SRPX2: variants seen among roughly 807,000 people sequenced by gnomAD.
SRPX2 encodes the protein sushi repeat containing protein X-linked 2.
Under a neutral mutation model 45.3 loss-of-function variants are expected in SRPX2, and 26 were observed. The observed-to-expected ratio is 0.57, with a 90% CI of 0.42 to 0.80. SRPX2 has a LOEUF of 0.80. SRPX2 is among the 30% of genes least tolerant of loss of function. SRPX2 has a pLI of 0.00. For synonymous variants in SRPX2, 125 were observed against 143.7 expected (o/e 0.87, Z 0.93); for missense variants, 355 against 399.8 (o/e 0.89, Z 0.95).
At chrX:100,670,658 G>C in intron 10 of SRPX2, 149 bp from the exon 11 acceptor site, 1 of 608,830 alleles carries the variant, frequency 1.6e-6, no homozygotes, top group Admixed American at 2.6e-5. Flanking sequence ...AAAGCGACTT[G>C]AGACAGGAAG....
rs1053428544 is a variant in SRPX2, at chrX:100,665,189, C to T, written c.533-54C>T. 13 of 1,203,485 alleles carry T rather than the reference C, an allele frequency of 1.1e-5. No individual in the cohort carries two copies. In the Admixed American group the frequency reaches 2.9e-4, roughly 27 times the overall value. On this transcript the variant is annotated intron_variant, in intron 5 of 10. Transcript: ENST00000373004. ...GTGTGGCATTGCTTCAGTGGATTCC[C>T]TCCAGGGAAAGCAAGGGGCCCACGA... is the stretch of plus-strand genomic sequence containing the variant.
At position 100,669,292 on chromosome X, in the gene SRPX2, A is replaced by C. The variant is rs143092608; in HGVS notation, c.1140A>C (p.Glu380Asp). ...ATTTGCGGCATGTGACCATCATTGAACTGGTGGGACAGCCACCTCAGGAGG... is the reference window on the plus strand; with the variant it reads ...ATTTGCGGCATGTGACCATCATTGACCTGGTGGGACAGCCACCTCAGGAGG... ...GLDLRHVTII[E>D]LVGQPPQEVG... is the part of the protein sequence containing the mutation. Residue 380 changes from glutamate (E) to aspartate (D), a missense_variant, in exon 10 of 11, where the codon GAA (glutamate) becomes GAC (aspartate). By Grantham distance (45) the Glu-to-Asp change is conservative. Transcript: ENST00000373004. The C allele has an allele frequency of 8.3e-7, 1 of 1,207,853 alleles. No homozygotes were observed. The highest frequency in any genetic ancestry group is 1.1e-6 in the Non-Finnish European group (1 of 894,105).
rs888554706 is a variant in SRPX2 at position 100,658,445 on chromosome X, G to T, written c.164-3731G>T. Among the ~76,000 whole-genome samples, 3 of 111,826 alleles carry T rather than the reference G, an allele frequency of 2.7e-5. No homozygotes were observed. The Admixed American group carries it at 2.8e-4, about 11-fold the overall frequency. The stretch of plus-strand genomic sequence containing the variant: ...AATATGTGAATTTATTTCTGGGTTT[G>T]CTATTCTGTTCCATTGATCTATATA... On this transcript the variant is annotated intron_variant, in intron 3 of 10. Transcript: ENST00000373004.
At chrX:100,657,349 C>CTTTTTTTTTGTTTTTTTTTTTTTTTTT (rs2083173015) in intron 3 of SRPX2, among the ~76,000 whole-genome samples, 1 of 28,417 alleles carries the variant, frequency 3.5e-5, no homozygotes, top group East Asian at 1.5e-3. Context: ...TTATTTATGT[C>CTTTTTTTTTGTTTTTTTTTTTTTTTTT]TTTTTTTTTT....
rs1425173213 is a variant in SRPX2 at position 100,673,845 on chromosome X, G to GT, written c.*2859dup. 1 of 111,831 alleles carries GT rather than the reference G, an allele frequency of 8.9e-6. No individual in the cohort carries two copies. Among genetic ancestry groups the GT allele is most frequent in the East Asian group, 2.8e-4 (1 of 3,569 alleles). 9.2% of individuals were successfully genotyped at this position (111,831 alleles called of 1,213,427 possible). A position where few individuals can be genotyped will look rare whatever the true frequency, so the allele number is the denominator to read the frequency against. ...ACAGTAGGCTTGAGTTTCCTCATCT[G>GT]TAAAAAGGGAAGATTTCCTACTTCA... On this transcript the variant is annotated 3_prime_UTR_variant, in exon 11 of 11. Coordinates refer to ENST00000373004, the MANE Select transcript of SRPX2 (RefSeq NM_014467.3).
In SRPX2 at chrX:100,674,687, G is replaced by A. The variant is rs986132688; in HGVS notation, c.*3700G>A. On this transcript the variant is annotated 3_prime_UTR_variant, in exon 11 of 11. Coordinates refer to ENST00000373004, the MANE Select transcript of SRPX2 (RefSeq NM_014467.3). ...CCACTGTGGCTGCCCTTAATCCAGT[G>A]TGCTTATAGGAAATCAGTTAGCAGC... 3 of 111,504 alleles carry A rather than the reference G, an allele frequency of 2.7e-5. No homozygotes were observed. Among genetic ancestry groups the A allele is most frequent in the Admixed American group, 9.5e-5 (1 of 10,493 alleles). The allele number at this position is 111,504 out of a possible 1,213,427, so 9.2% of individuals were successfully genotyped here. A position where few individuals can be genotyped will look rare whatever the true frequency, so the allele number is the denominator to read the frequency against.
rs1466517303 is a variant in SRPX2, at chrX:100,666,829, C to A, written c.857C>A (p.Ala286Asp). Residue 286 changes from alanine (A) to aspartate (D), a missense_variant, in exon 8 of 11, where the codon GCC becomes GAC. By Grantham distance (126) the Ala-to-Asp change is moderately radical. Transcript: ENST00000373004. ...TCTSAGDNYG[A>D]TCEYHCDGGY... ...ACCTCAGCGGGGGACAACTATGGTGCCACCTGTGAATACCACTGTGATGGC... is the reference window on the plus strand; with the variant it reads ...ACCTCAGCGGGGGACAACTATGGTGACACCTGTGAATACCACTGTGATGGC... 8.3e-7 allele frequency: 1 copy of A among 1,210,702 alleles called. No individual in the cohort carries two copies. The highest frequency in any genetic ancestry group is 1.1e-6 in the Non-Finnish European group (1 of 895,469).
At chrX:100,647,647 G>T (rs956688060) in intron 2 of SRPX2, among the ~76,000 whole-genome samples, 3 of 112,548 alleles carry the variant, frequency 2.7e-5, no homozygotes, top group African/African-American at 9.7e-5. Context: ...GACTAAAGGA[G>T]TGGAGATTAG....
At chrX:100,659,958 A>G (rs1230263895) in intron 3 of SRPX2, among the ~76,000 whole-genome samples, 1 of 108,661 alleles carries the variant, frequency 9.2e-6, no homozygotes, top group African/African-American at 3.4e-5. Context: ...CTCTGAACCC[A>G]CTAAAGAGTC....
intron 3 of SRPX2, among the ~76,000 whole-genome samples, chrX:100,653,683 C>T (rs1020267383): frequency 5.4e-5 from 6 of 112,049 alleles, no homozygotes; most frequent in Non-Finnish European, 1.1e-4. Flanking sequence ...AGCTTTCTCT[C>T]GCCCATTTAT....
At position 100,665,775 on chromosome X, in the gene SRPX2, G is replaced by A; in HGVS notation, c.781+118G>A. 5 of 1,080,628 alleles carry A rather than the reference G, an allele frequency of 4.6e-6. No homozygotes were observed. In the South Asian group the frequency reaches 9.7e-5, roughly 21 times the overall value. The allele number at this position is 1,080,628 out of a possible 1,213,427, so 89.1% of individuals were successfully genotyped here. On this transcript the variant is annotated intron_variant, in intron 7 of 10. Transcript: ENST00000373004. ...ACACCTCATTTATACTGGGAGAGGA[G>A]AAAAACAAGTTCACCAAACAGGCTT...
In SRPX2 at chrX:100,669,308, C is replaced by A; in HGVS notation, c.1156C>A (p.Pro386Thr). 8.3e-7 allele frequency: 1 copy of A among 1,202,284 alleles called. No homozygotes were observed. Among genetic ancestry groups the A allele is most frequent in the Non-Finnish European group, 1.1e-6 (1 of 891,098 alleles). Reference protein sequence around the residue: ...VTIIELVGQPPQEVGRIREQQ... With the variant: ...VTIIELVGQPTQEVGRIREQQ... Reference sequence around the variant, plus strand: ...CATCATTGAACTGGTGGGACAGCCACCTCAGGAGGTGGGGCGCATCCGGGA... The same window carrying A: ...CATCATTGAACTGGTGGGACAGCCAACTCAGGAGGTGGGGCGCATCCGGGA... The change falls in exon 10 of 11, where the codon CCT becomes ACT. Residue 386 changes from proline (P) to threonine (T), a missense_variant. Coordinates refer to ENST00000373004, the MANE Select transcript of SRPX2 (RefSeq NM_014467.3).
intron 4 of SRPX2, 116 bp from the exon 5 acceptor site, chrX:100,664,658 A>G: frequency 1.3e-6 from 1 of 747,431 alleles, no homozygotes. Context: ...AGGGCAGTTC[A>G]GGTAGGGTTT....
At chrX:100,651,431 A>G (rs182929973) in intron 3 of SRPX2, among the ~76,000 whole-genome samples, 3 of 111,197 alleles carry the variant, frequency 2.7e-5, no homozygotes, top group Non-Finnish European at 5.7e-5. Flanking sequence ...GGAGGGAGCT[A>G]AGAAGAAACC....
intron 3 of SRPX2, among the ~76,000 whole-genome samples, chrX:100,658,940 C>T (rs754929276): frequency 1.8e-5 from 2 of 111,830 alleles, no homozygotes; most frequent in Admixed American, 1.9e-4. Flanking sequence ...TACAGTTGCT[C>T]AGCCACTTAT....
Position 100,671,239 on chromosome X carries a change from C to T in SRPX2, c.*252C>T, listed in dbSNP as rs1440012054. On this transcript the variant is annotated 3_prime_UTR_variant, in exon 11 of 11. Coordinates refer to ENST00000373004, the MANE Select transcript of SRPX2 (RefSeq NM_014467.3). ...GGTAGAAGTTCTTCCTTTCCTAACC[C>T]GGGCCCCTGCCCAGCTCTCCAAAGT... 8 of 411,748 alleles carry T rather than the reference C, an allele frequency of 1.9e-5. No individual in the cohort carries two copies. Among genetic ancestry groups the T allele is most frequent in the African/African-American group, 1.0e-4 (4 of 39,771 alleles). The allele number at this position is 411,748 out of a possible 1,213,427, so 33.9% of individuals were successfully genotyped here.
intron 4 of SRPX2, among the ~76,000 whole-genome samples, chrX:100,664,487 T>G (rs761781803): frequency 1.8e-5 from 2 of 111,487 alleles, no homozygotes; most frequent in Non-Finnish European, 3.8e-5. Flanking sequence ...TGTTGTATAT[T>G]CTATGGATTT....
At chrX:100,661,520 G>A (rs2083187108) in intron 3 of SRPX2, among the ~76,000 whole-genome samples, 1 of 112,009 alleles carries the variant, frequency 8.9e-6, no homozygotes, top group Non-Finnish European at 1.9e-5. Context: ...GCCTGTAATC[G>A]CAGCACTTTG....
chrX:100,668,970 A>G lies in SRPX2; in HGVS notation c.1096-278A>G, dbSNP rs545229577. On this transcript the variant is annotated intron_variant, in intron 9 of 10. Coordinates refer to ENST00000373004, the MANE Select transcript of SRPX2 (RefSeq NM_014467.3). ...TAATTTAAAACCTATGCAAAGCTAA[A>G]TGATTATGTTCCTGCAATTTACTCA... Among the ~76,000 whole-genome samples the G allele has an allele frequency of 3.7e-4, 41 of 112,236 alleles. No homozygotes were observed. In the South Asian group the frequency reaches 0.015, roughly 41 times the overall value.
Sources: allele counts gnomAD v4.1 joint callset (sites outside exome capture counted in the v4.1 genomes callset), GRCh38; gene constraint gnomAD v4.1.1; transcripts MANE v1.5; gene names NCBI Gene and HGNC (gene_info 2026-07-23, HGNC 2026-07-21).